The following PLCH1 variants were observed in gnomAD, a reference collection of about 807,000 sequenced individuals.
PLCH1 encodes the protein 1-phosphatidylinositol 4,5-bisphosphate phosphodiesterase eta-1.
Under a neutral mutation model 126.7 loss-of-function variants are expected in PLCH1, and 60 were observed. The observed-to-expected ratio is 0.47, with a 90% confidence interval of 0.38 to 0.59. The LOEUF is 0.59. Among genes scored for constraint, PLCH1 ranks in the 20% least tolerant of loss-of-function variants. The probability of loss-of-function intolerance (pLI) is 0.00; values close to 1 mark genes in which losing one functional copy is unlikely to be tolerated. For missense variants in PLCH1, 1,723 were observed against 2,040.0 expected (o/e 0.84, Z 2.99); for synonymous variants, 719 against 734.9 (o/e 0.98, Z 0.35).
chr3:155,629,262 A>G (rs1353941261), intron 2 of PLCH1, among the ~76,000 whole-genome samples: 2 of 152,336 alleles, frequency 1.3e-5, no homozygotes, highest in East Asian at 3.9e-4. Flanking sequence ...CTGAAATTCT[A>G]CAGCAGGACA....
chr3:155,642,060 G>T (rs1241750805), intron 2 of PLCH1, among the ~76,000 whole-genome samples: 2 of 152,030 alleles, frequency 1.3e-5, no homozygotes, highest in African/African-American at 4.8e-5. Context: ...CATTTAATAG[G>T]TACTCACAAT....
At chr3:155,740,961 AATAC>A (rs1749578326) in intron 1 of PLCH1, among the ~76,000 whole-genome samples, 1 of 152,192 alleles carries the variant, frequency 6.6e-6, no homozygotes, top group Non-Finnish European at 1.5e-5. Flanking sequence ...GTGCCACCAA[AATAC>A]ATAGCTGGTA....
At chr3:155,737,416 C>A (rs1309928266) in intron 1 of PLCH1, among the ~76,000 whole-genome samples, 1 of 151,568 alleles carries the variant, frequency 6.6e-6, no homozygotes, top group Admixed American at 6.6e-5. Context: ...ACTGCAACAT[C>A]AACCTCCTGG....
chr3:155,487,531 T>C (rs1375408310), intron 21 of PLCH1, among the ~76,000 whole-genome samples: 1 of 152,214 alleles, frequency 6.6e-6, no homozygotes, highest in Non-Finnish European at 1.5e-5. Flanking sequence ...TTCAGTCCTA[T>C]AGGTAGCTTT....
intron 21 of PLCH1, chr3:155,486,089 C>G (rs890106610): frequency 7.5e-6 from 8 of 1,061,828 alleles, no homozygotes; most frequent in African/African-American, 1.6e-5. Flanking sequence ...AGCATGCTGC[C>G]ATAACCACTT....
intron 10 of PLCH1, among the ~76,000 whole-genome samples, chr3:155,537,202 C>CAAA (rs535908017): frequency 0.011 from 115 of 10,356 alleles, 2 homozygotes; most frequent in East Asian, 0.018. Context: ...AAAAAAAAAC[C>CAAA]AAAAAAAAAA....
intron 10 of PLCH1, among the ~76,000 whole-genome samples, chr3:155,525,348 G>T (rs1161787339): frequency 1.3e-5 from 2 of 152,086 alleles, no homozygotes; most frequent in East Asian, 3.9e-4. Flanking sequence ...GCTCCAACGA[G>T]CTCCCTTGCC....
intron 2 of PLCH1, among the ~76,000 whole-genome samples, chr3:155,661,529 C>A (rs1169319630): frequency 2.6e-5 from 4 of 152,098 alleles, no homozygotes; most frequent in African/African-American, 9.7e-5. Flanking sequence ...TCCTTCAGTG[C>A]CTTCATTTCC....
At chr3:155,718,022 G>A (rs1384281497) in intron 1 of PLCH1, among the ~76,000 whole-genome samples, 3 of 152,184 alleles carry the variant, frequency 2.0e-5, no homozygotes, top group Non-Finnish European at 4.4e-5. Context: ...GCTGTTAGAA[G>A]CAGCCAGGTC....
intron 2 of PLCH1, among the ~76,000 whole-genome samples, chr3:155,673,048 C>CTT (rs66672315): frequency 0.045 from 3,098 of 68,240 alleles, 615 homozygotes; most frequent in African/African-American, 0.15. Context: ...CTTCTGTTGC[C>CTT]TTTTTTTTTT....
chr3:155,468,138 G>A (rs904552787), intron 21 of PLCH1, among the ~76,000 whole-genome samples: 4 of 152,164 alleles, frequency 2.6e-5, no homozygotes, highest in African/African-American at 9.7e-5. Context: ...GTTTTCATTA[G>A]TTTTCCTTTT....
At chr3:155,665,274 T>C (rs978019045) in intron 2 of PLCH1, among the ~76,000 whole-genome samples, 13 of 152,146 alleles carry the variant, frequency 8.5e-5, no homozygotes, top group African/African-American at 3.1e-4. Context: ...AAGAAATGTG[T>C]ATTAAGCCAC....
intron 2 of PLCH1, among the ~76,000 whole-genome samples, chr3:155,619,517 G>T (rs1290829899): frequency 7.1e-6 from 1 of 141,546 alleles, no homozygotes. Context: ...AAAAAAAGAA[G>T]AAAAAGAAAG....
chr3:155,649,363 C>T (rs1440774314), intron 2 of PLCH1, among the ~76,000 whole-genome samples: 1 of 152,118 alleles, frequency 6.6e-6, no homozygotes, highest in Non-Finnish European at 1.5e-5. Context: ...AACCTGATCA[C>T]GAAACAAACC....
intron 1 of PLCH1, among the ~76,000 whole-genome samples, chr3:155,731,007 G>A (rs1748730629): frequency 6.6e-6 from 1 of 152,190 alleles, no homozygotes; most frequent in Non-Finnish European, 1.5e-5. Flanking sequence ...GGCCTACCCT[G>A]GCACCATGCC....
Position 155,647,689 on chromosome 3 carries a change from A to G in PLCH1, c.80-51311T>C, listed in dbSNP as rs145146983. On this transcript the variant is annotated intron_variant, in intron 2 of 22. Coordinates refer to ENST00000460012, the MANE Select transcript of PLCH1 (RefSeq NM_014996.4). ...CACCCTCACTCTAAAACTTAACAAG[A>G]CTTTTTCAAAAGTCTTTAAAAATAA... Among the ~76,000 whole-genome samples the G allele has an allele frequency of 1.4e-4, 22 of 152,276 alleles. No individual in the cohort carries two copies. The East Asian group carries it at 3.5e-3, about 24-fold the overall frequency.
intron 10 of PLCH1, among the ~76,000 whole-genome samples, chr3:155,541,415 C>T (rs958849358): frequency 2.6e-5 from 4 of 152,102 alleles, no homozygotes; most frequent in Non-Finnish European, 5.9e-5. Context: ...AAGTAAGAGA[C>T]ATGTGAGTTG....
chr3:155,582,932 C>A (rs766431592), intron 6 of PLCH1, among the ~76,000 whole-genome samples: 1 of 151,916 alleles, frequency 6.6e-6, no homozygotes, highest in African/African-American at 2.4e-5. Context: ...CTTTGCTAAT[C>A]AGGACCTAAT....
chr3:155,596,981 G>T (rs1195826534), intron 2 of PLCH1, among the ~76,000 whole-genome samples: 2 of 152,198 alleles, frequency 1.3e-5, no homozygotes, highest in Non-Finnish European at 2.9e-5. Context: ...CCTTCTAGAA[G>T]AATAACTTGT....
Sources: gnomAD v4.1 joint callset for allele counts (sites outside exome capture counted in the v4.1 genomes callset) on GRCh38, gnomAD v4.1.1 for gene constraint, MANE v1.5 for transcripts, NCBI Gene and HGNC (gene_info 2026-07-23, HGNC 2026-07-21) for gene names.